Variants in FCHSD2 observed in about 807,000 individuals in gnomAD.
FCHSD2 encodes FCH and double SH3 domains 2.
FCHSD2 carries 38 observed loss-of-function variants against 108.1 expected under a neutral mutation model. The ratio of observed to expected loss-of-function variants is 0.35; its 90% CI spans 0.27 to 0.46. The LOEUF (loss-of-function observed/expected upper bound fraction) is 0.46. Ranked by LOEUF, FCHSD2 falls within the 20% of genes least tolerant of loss-of-function variation. The pLI is 1.00. For missense variants in FCHSD2, 751 were observed against 897.8 expected, an observed-to-expected ratio of 0.84 and a Z score of 2.09; for synonymous variants, 279 against 314.7, an observed-to-expected ratio of 0.89 and a Z score of 1.20.
chr11:73,034,047 C>T lies in FCHSD2; in HGVS notation c.166-18162G>A, dbSNP rs1858429762. Among the ~76,000 whole-genome samples the T allele has an allele frequency of 2.6e-5, 4 of 151,734 alleles. No individual in the cohort carries two copies. In the South Asian group the frequency reaches 6.2e-4, roughly 24 times the overall value. On this transcript the variant is annotated intron_variant, in intron 3 of 19. Transcript: ENST00000409418. ...ATATATCATCTTTTTTTAAGAGTTG[C>T]TTTTTTCTTTCTAAAGTTTTTCTTT...
At chr11:73,077,041 C>T (rs1202373231) in intron 3 of FCHSD2, among the ~76,000 whole-genome samples, 3 of 139,428 alleles carry the variant, frequency 2.2e-5, no homozygotes, top group African/African-American at 8.0e-5. Flanking sequence ...ACCCGGGAGG[C>T]GGAGCTTACA....
chr11:72,844,330 T>C (rs757463862), intron 14 of FCHSD2, among the ~76,000 whole-genome samples: 2 of 152,174 alleles, frequency 1.3e-5, no homozygotes, highest in Non-Finnish European at 2.9e-5. Context: ...CTGGAATCAC[T>C]GTAAAGCAGT....
chr11:73,047,168 CTG>C (rs1169488610), intron 3 of FCHSD2, among the ~76,000 whole-genome samples: 1 of 150,226 alleles, frequency 6.7e-6, no homozygotes, highest in Non-Finnish European at 1.5e-5. Flanking sequence ...CCAAACATGA[CTG>C]TAAATTTGAA....
At chr11:73,008,497 A>G (rs532775042) in intron 4 of FCHSD2, among the ~76,000 whole-genome samples, 12 of 152,338 alleles carry the variant, frequency 7.9e-5, no homozygotes, top group Non-Finnish European at 1.6e-4. Flanking sequence ...AATAAAGACA[A>G]GGAAAAAGAC....
At chr11:72,901,803 T>C (rs1855531315) in intron 10 of FCHSD2, among the ~76,000 whole-genome samples, 1 of 152,160 alleles carries the variant, frequency 6.6e-6, no homozygotes, top group African/African-American at 2.4e-5. Context: ...TATAATCTTT[T>C]ATAAGACCAA....
intron 8 of FCHSD2, among the ~76,000 whole-genome samples, chr11:72,933,235 C>T (rs1438752846): frequency 6.6e-6 from 1 of 152,076 alleles, no homozygotes; most frequent in Non-Finnish European, 1.5e-5. Flanking sequence ...TTAGGTCATC[C>T]CTGGGATAGA....
At chr11:73,013,674 G>C (rs1857909069) in intron 4 of FCHSD2, among the ~76,000 whole-genome samples, 1 of 152,220 alleles carries the variant, frequency 6.6e-6, no homozygotes, top group South Asian at 2.1e-4. Context: ...CATGGGAAAT[G>C]AGTTCTTAGC....
intron 2 of FCHSD2, among the ~76,000 whole-genome samples, chr11:73,105,363 TC>T (rs1201673713): frequency 6.6e-6 from 1 of 152,192 alleles, no homozygotes; most frequent in East Asian, 1.9e-4. Flanking sequence ...CACCTTCCCT[TC>T]CACTGTCTAC....
chr11:72,885,241 A>AGG (rs1855172609), intron 12 of FCHSD2, among the ~76,000 whole-genome samples: 1 of 151,348 alleles, frequency 6.6e-6, no homozygotes, highest in South Asian at 2.1e-4. Flanking sequence ...ACCAAGTGAG[A>AGG]TTATTTTATG....
intron 8 of FCHSD2, among the ~76,000 whole-genome samples, chr11:72,982,695 T>C (rs762322004): frequency 6.6e-6 from 1 of 152,212 alleles, no homozygotes; most frequent in African/African-American, 2.4e-5. Flanking sequence ...TGTAATCTAA[T>C]CTATCTGCAT....
chr11:72,883,911 G>A lies in FCHSD2; in HGVS notation c.1146+3559C>T, dbSNP rs1317351988. Among the ~76,000 whole-genome samples, 12 of 147,072 alleles carry A rather than the reference G, an allele frequency of 8.2e-5. No individual in the cohort carries two copies. In the East Asian group the frequency reaches 2.0e-3, roughly 24 times the overall value. ...CGTGCCACTGCACTCCAGCCTGGGT[G>A]ACAGAGTGAGACCGTGTCTCAAAAA... On this transcript the variant is annotated intron_variant, in intron 12 of 19. Transcript: ENST00000409418.
At chr11:73,120,041 G>T (rs962018753) in intron 2 of FCHSD2, among the ~76,000 whole-genome samples, 1 of 152,162 alleles carries the variant, frequency 6.6e-6, no homozygotes, top group African/African-American at 2.4e-5. Flanking sequence ...GAATGAGGAA[G>T]ATGCAAAAGC....
chr11:73,102,427 A>G lies in FCHSD2; in HGVS notation c.120-18687T>C, dbSNP rs117527774. Among the ~76,000 whole-genome samples the G allele has an allele frequency of 3.5e-3, 529 of 152,348 alleles. 34 individuals are homozygous for G. In the East Asian group the frequency reaches 0.1, roughly 29 times the overall value. On this transcript the variant is annotated intron_variant, in intron 2 of 19. Transcript: ENST00000409418. ...TGTCCACAGAAGGACCCATACACAA[A>G]TGTGTACAAAATGTGTACAGCAGCA...
At position 72,903,103 on chromosome 11, in the gene FCHSD2, A is replaced by G. The variant is rs189410587; in HGVS notation, c.829-465T>C. Among the ~76,000 whole-genome samples the G allele has an allele frequency of 4.9e-3, 746 of 152,370 alleles. 5 individuals are homozygous for G. The highest frequency in any genetic ancestry group is 0.017 in the African/African-American group (724 of 41,596). On this transcript the variant is annotated intron_variant, in intron 9 of 19. Transcript: ENST00000409418. ...ATCCACAGCACCAAATAGTGTTTGT[A>G]GAGTATTTCTCAGCACCTTCTTGAG... is the stretch of plus-strand genomic sequence containing the variant.
At chr11:72,979,496 AAAAC>A (rs912632728) in intron 8 of FCHSD2, among the ~76,000 whole-genome samples, 39 of 152,278 alleles carry the variant, frequency 2.6e-4, no homozygotes, top group African/African-American at 9.4e-4. Context: ...AAAAAAAGAA[AAAAC>A]AAACAATTAG....
intron 4 of FCHSD2, among the ~76,000 whole-genome samples, chr11:73,002,092 T>C (rs185242099): frequency 7.9e-5 from 12 of 152,294 alleles, no homozygotes; most frequent in African/African-American, 2.2e-4. Context: ...GAAATCCATA[T>C]CGATTTTCAA....
intron 3 of FCHSD2, among the ~76,000 whole-genome samples, chr11:73,037,062 A>G (rs1858515018): frequency 6.6e-6 from 1 of 152,220 alleles, no homozygotes; most frequent in Non-Finnish European, 1.5e-5. Context: ...CACCTGGAAG[A>G]TATTTATAGA....
intron 8 of FCHSD2, among the ~76,000 whole-genome samples, chr11:72,963,028 C>G (rs1025745167): frequency 6.6e-6 from 1 of 152,042 alleles, no homozygotes; most frequent in African/African-American, 2.4e-5. Flanking sequence ...CCTTGGTTAC[C>G]TCTTTGGTAA....
intron 4 of FCHSD2, among the ~76,000 whole-genome samples, chr11:73,002,187 T>A (rs1395699787): frequency 6.6e-6 from 1 of 152,030 alleles, no homozygotes; most frequent in African/African-American, 2.4e-5. Flanking sequence ...AAAAGAAAAA[T>A]TGCCTGGGTC....
Sources: allele counts gnomAD v4.1 joint callset (sites outside exome capture counted in the v4.1 genomes callset), GRCh38; gene constraint gnomAD v4.1.1; transcripts MANE v1.5; gene names NCBI Gene and HGNC (gene_info 2026-07-23, HGNC 2026-07-21).